Variants in TMOD2 observed in about 807,000 individuals in gnomAD.
The protein encoded by TMOD2 is tropomodulin 2.
TMOD2 carries 22 observed loss-of-function variants against 39.9 expected under a neutral mutation model. That is an observed-to-expected ratio of 0.55 (90% CI 0.39 to 0.79). TMOD2 has a LOEUF of 0.79. Ranked by LOEUF, TMOD2 falls within the 30% of genes least tolerant of loss-of-function variation. The probability of loss-of-function intolerance (pLI) is 0.00; values close to 1 mark genes in which losing one functional copy is unlikely to be tolerated. For synonymous variants in TMOD2, 123 were observed against 146.1 expected (o/e 0.84, Z 1.14); for missense variants, 386 against 413.3 (o/e 0.93, Z 0.57).
rs1011849395 is a variant in TMOD2 at position 51,790,861 on chromosome 15, A to G, written c.733-7336A>G. On this transcript the variant is annotated intron_variant, in intron 7 of 9. Transcript: ENST00000249700. ...GTATTGACGGAACGTATCTCAACAT[A>G]ATAAGAGCTGTTCATGACAAACCCA... 5.9e-5 allele frequency among the ~76,000 whole-genome samples: 9 copies of G among 152,260 alleles called. No individual in the cohort carries two copies. The South Asian group carries it at 8.3e-4, about 14-fold the overall frequency.
At chr15:51,802,934 C>T (rs892540909) in intron 8 of TMOD2, among the ~76,000 whole-genome samples, 13 of 152,224 alleles carry the variant, frequency 8.5e-5, no homozygotes, top group Middle Eastern at 6.8e-3. Flanking sequence ...TTGCTTGGGA[C>T]GCAAGAGTTC....
At chr15:51,754,555 A>G (rs948927854) in intron 1 of TMOD2, among the ~76,000 whole-genome samples, 1 of 152,230 alleles carries the variant, frequency 6.6e-6, no homozygotes, top group Non-Finnish European at 1.5e-5. Flanking sequence ...TACCTGGATT[A>G]TATGTGTTTA....
At chr15:51,780,874 C>T (rs1292853419) in intron 5 of TMOD2, among the ~76,000 whole-genome samples, 170 bp from the exon 6 acceptor site, 2 of 152,210 alleles carry the variant, frequency 1.3e-5, no homozygotes. Context: ...CAAGCTGTGA[C>T]TCATAGCTAT....
At chr15:51,803,424 G>T (rs1461397515) in intron 8 of TMOD2, among the ~76,000 whole-genome samples, 1 of 152,044 alleles carries the variant, frequency 6.6e-6, no homozygotes, top group African/African-American at 2.4e-5. Context: ...CAAGTGATCT[G>T]CCTGCCTCTG....
chr15:51,765,508 G>C (rs1245783372), intron 1 of TMOD2, among the ~76,000 whole-genome samples: 1 of 152,174 alleles, frequency 6.6e-6, no homozygotes, highest in African/African-American at 2.4e-5. Context: ...GTGATTGGTG[G>C]TAATACCTCC....
intron 8 of TMOD2, among the ~76,000 whole-genome samples, chr15:51,802,114 A>T (rs1418825158): frequency 6.6e-6 from 1 of 151,936 alleles, no homozygotes; most frequent in East Asian, 1.9e-4. Context: ...GAAGAAACAT[A>T]GTGTATGTTA....
intron 7 of TMOD2, among the ~76,000 whole-genome samples, chr15:51,788,909 A>T (rs2055989732): frequency 1.3e-5 from 2 of 152,264 alleles, no homozygotes; most frequent in African/African-American, 4.8e-5. Context: ...AAACATGCCA[A>T]ATTGTAAAGA....
intron 1 of TMOD2, among the ~76,000 whole-genome samples, chr15:51,765,082 C>A (rs2055807753): frequency 6.6e-6 from 1 of 152,098 alleles, no homozygotes; most frequent in Admixed American, 6.5e-5. Context: ...AGCACTGCAA[C>A]CTCTGCCTCC....
At chr15:51,794,298 G>A (rs1463365498) in intron 7 of TMOD2, among the ~76,000 whole-genome samples, 3 of 152,148 alleles carry the variant, frequency 2.0e-5, no homozygotes, top group Non-Finnish European at 2.9e-5. Flanking sequence ...GGGACTTCTC[G>A]TCTTCCTTCT....
chr15:51,769,661 A>G (rs1316495786), intron 3 of TMOD2, among the ~76,000 whole-genome samples: 2 of 152,216 alleles, frequency 1.3e-5, no homozygotes, highest in African/African-American at 2.4e-5. Context: ...TTCCCCAGCT[A>G]TAGACAGTGA....
chr15:51,806,650 C>G, intron 9 of TMOD2, 129 bp downstream of exon 9: 6 of 1,021,898 alleles, frequency 5.9e-6, no homozygotes, highest in Non-Finnish European at 8.6e-6. Context: ...TCATATAAGA[C>G]GCATTATTAT....
intron 1 of TMOD2, chr15:51,752,532 A>C (rs984419005): frequency 5.9e-5 from 9 of 152,200 alleles, no homozygotes; most frequent in Non-Finnish European, 1.2e-4. Flanking sequence ...TGAAAAGAAG[A>C]TCGGGGGAGG....
In TMOD2 at chr15:51,801,734, A is replaced by G. The variant is rs16953079; in HGVS notation, c.876+3394A>G. 9.4e-3 allele frequency among the ~76,000 whole-genome samples: 1,431 copies of G among 152,342 alleles called. 15 individuals are homozygous for G. The highest frequency in any genetic ancestry group is 0.019 in the African/African-American group (794 of 41,584). ...TTTGAGTAGATAAAAGAGGTCACTT[A>G]GAAAAACACAGAAGGCGATTTGAAG... On this transcript the variant is annotated intron_variant, in intron 8 of 9. Coordinates refer to ENST00000249700, the MANE Select transcript of TMOD2 (RefSeq NM_014548.4).
chr15:51,798,200 T>C lies in TMOD2; in HGVS notation c.736T>C (p.Phe246Leu). 5 of 1,595,270 alleles carry C rather than the reference T, an allele frequency of 3.1e-6. No homozygotes were observed. Among genetic ancestry groups the C allele is most frequent in the Non-Finnish European group, 4.3e-6 (5 of 1,175,234 alleles). The change falls in exon 8 of 10, where the codon TTT (phenylalanine) becomes CTT (leucine). Residue 246 changes from phenylalanine (F) to leucine (L), a missense_variant. Coordinates refer to ENST00000249700, the MANE Select transcript of TMOD2 (RefSeq NM_014548.4). ...TTTTTTCTTTTTGCATCATAAGGCTTTTGCAGACATGCTGAAAGTAAACAA... is the reference window on the plus strand; with the variant it reads ...TTTTTTCTTTTTGCATCATAAGGCTCTTGCAGACATGCTGAAAGTAAACAA... ...TRSNDPVAIA[F>L]ADMLKVNKTL...
rs148768550 is a variant in TMOD2, at chr15:51,798,255, A to G, written c.791A>G (p.Asn264Ser). ...TTGACAAGTCTAAACATAGAATCCAATTTTATCACTGGAACTGGGATCCTG... is the reference window on the plus strand; with the variant it reads ...TTGACAAGTCTAAACATAGAATCCAGTTTTATCACTGGAACTGGGATCCTG... ...KTLTSLNIES[N>S]FITGTGILAL... The change falls in exon 8 of 10, where the codon AAT becomes AGT. Residue 264 changes from asparagine to serine, a missense_variant. By Grantham distance (46) the Asn-to-Ser change is conservative. Coordinates refer to ENST00000249700, the MANE Select transcript of TMOD2 (RefSeq NM_014548.4). The G allele has an allele frequency of 1.2e-6, 2 of 1,613,876 alleles. No homozygotes were observed. Among genetic ancestry groups the G allele is most frequent in the East Asian group, 2.2e-5 (1 of 44,876 alleles).
At chr15:51,789,457 AG>A (rs1436364605) in intron 7 of TMOD2, among the ~76,000 whole-genome samples, 3 of 152,228 alleles carry the variant, frequency 2.0e-5, no homozygotes, top group Non-Finnish European at 2.9e-5. Context: ...TCAATGAGAC[AG>A]AAAATTAACA....
chr15:51,771,362 C>G (rs1055672040), intron 3 of TMOD2, among the ~76,000 whole-genome samples: 8 of 152,206 alleles, frequency 5.3e-5, no homozygotes, highest in Non-Finnish European at 7.3e-5. Context: ...GCTGGCACAC[C>G]TCAGGTTCCT....
chr15:51,795,013 A>G (rs902721243), intron 7 of TMOD2, among the ~76,000 whole-genome samples: 25 of 152,322 alleles, frequency 1.6e-4, no homozygotes, highest in Non-Finnish European at 3.2e-4. Context: ...CAATGTAGTG[A>G]CTAGTGCTGA....
chr15:51,788,502 A>C (rs2141631780), intron 7 of TMOD2, among the ~76,000 whole-genome samples: 1 of 152,364 alleles, frequency 6.6e-6, no homozygotes, highest in East Asian at 1.9e-4. Flanking sequence ...GCCAATTTTC[A>C]AATTCAGGAA....
Sources: gnomAD v4.1 joint callset for allele counts (sites outside exome capture counted in the v4.1 genomes callset) on GRCh38, gnomAD v4.1.1 for gene constraint, MANE v1.5 for transcripts, NCBI Gene and HGNC (gene_info 2026-07-23, HGNC 2026-07-21) for gene names.